Variants in KIAA0513 observed in about 807,000 individuals in gnomAD.
KIAA0513 encodes uncharacterized protein KIAA0513.
KIAA0513 carries 39 observed loss-of-function variants against 56.5 expected under a neutral mutation model. The ratio of observed to expected loss-of-function variants is 0.69; its 90% CI spans 0.53 to 0.90. KIAA0513 has a LOEUF of 0.90. Ranked by LOEUF, KIAA0513 falls within the 40% of genes least tolerant of loss-of-function variation. The pLI is 0.00. For synonymous variants in KIAA0513, 268 were observed against 215.6 expected (o/e 1.24, Z -2.13); for missense variants, 591 against 535.2 (o/e 1.10, Z -1.03).
chr16:85,080,603 G>A (rs1309766555), intron 8 of KIAA0513, among the ~76,000 whole-genome samples: 1 of 152,078 alleles, frequency 6.6e-6, no homozygotes, highest in Non-Finnish European at 1.5e-5. Flanking sequence ...AGACCAGCCT[G>A]GTCAACATGG....
intron 1 of KIAA0513, among the ~76,000 whole-genome samples, chr16:85,037,632 C>T (rs899329190): frequency 6.6e-6 from 1 of 152,174 alleles, no homozygotes; most frequent in Non-Finnish European, 1.5e-5. Flanking sequence ...GCACTCTATT[C>T]AGTGAGAGGC....
At chr16:85,054,888 C>T (rs1201449853) in intron 1 of KIAA0513, among the ~76,000 whole-genome samples, 3 of 152,068 alleles carry the variant, frequency 2.0e-5, no homozygotes, top group East Asian at 1.9e-4. Context: ...TGTGAGGGTT[C>T]ATTGAACGGC....
intron 10 of KIAA0513, among the ~76,000 whole-genome samples, chr16:85,083,666 C>T (rs2073774600): frequency 1.3e-5 from 2 of 152,172 alleles, no homozygotes; most frequent in African/African-American, 4.8e-5. Context: ...GCCTCTTGGG[C>T]CTTCTCACCG....
intron 2 of KIAA0513, among the ~76,000 whole-genome samples, chr16:85,071,175 C>G (rs1030238113): frequency 2.6e-5 from 4 of 152,136 alleles, no homozygotes; most frequent in African/African-American, 9.7e-5. Flanking sequence ...GGTGGCGACA[C>G]CAAGATGGAG....
At chr16:85,080,494 C>T (rs2073727774) in intron 8 of KIAA0513, among the ~76,000 whole-genome samples, 1 of 152,186 alleles carries the variant, frequency 6.6e-6, no homozygotes, top group South Asian at 2.1e-4. Flanking sequence ...CCCTGATGTT[C>T]TTTAAGAAGA....
intron 1 of KIAA0513, among the ~76,000 whole-genome samples, chr16:85,033,446 C>T (rs1278191156): frequency 6.6e-6 from 1 of 152,198 alleles, no homozygotes; most frequent in African/African-American, 2.4e-5. Flanking sequence ...AGCTCATCGG[C>T]GTCCAGCAGT....
At chr16:85,083,485 A>C (rs935258875) in intron 10 of KIAA0513, among the ~76,000 whole-genome samples, 3 of 152,200 alleles carry the variant, frequency 2.0e-5, no homozygotes, top group African/African-American at 7.2e-5. Context: ...CAAAGCCCCT[A>C]GGTTTTCACT....
At chr16:85,075,046 C>G (rs1276487000) in intron 4 of KIAA0513, among the ~76,000 whole-genome samples, 1 of 151,936 alleles carries the variant, frequency 6.6e-6, no homozygotes, top group Admixed American at 6.6e-5. Flanking sequence ...GTTGCAAAAA[C>G]AAAGTGAAAC....
intron 1 of KIAA0513, among the ~76,000 whole-genome samples, chr16:85,045,503 C>T (rs1206212398): frequency 6.6e-6 from 1 of 152,094 alleles, no homozygotes; most frequent in Non-Finnish European, 1.5e-5. Flanking sequence ...TTACAGGCAC[C>T]CACCATCATG....
At chr16:85,086,472 C>T (rs2073809709) in intron 10 of KIAA0513, among the ~76,000 whole-genome samples, 172 bp from the exon 11 acceptor site, 1 of 152,218 alleles carries the variant, frequency 6.6e-6, no homozygotes, top group Non-Finnish European at 1.5e-5. Context: ...AGGATCCCGG[C>T]AGGCCTTGTG....
In KIAA0513 at chr16:85,086,727, A is replaced by G. The variant is rs2144108958; in HGVS notation, c.1091+3A>G. 3.7e-6 allele frequency: 6 copies of G among 1,611,854 alleles called. No homozygotes were observed. In the East Asian group the frequency reaches 1.3e-4, roughly 36 times the overall value. ...AACATCACCTTCGGGCAGCTGGGGTAAGGGCCAGAGTGGGAAAGCGGGAGG... is the reference window on the plus strand; with the variant it reads ...AACATCACCTTCGGGCAGCTGGGGTGAGGGCCAGAGTGGGAAAGCGGGAGG... On this transcript the variant is annotated splice_donor_region_variant and intron_variant, in intron 11 of 12. Coordinates refer to ENST00000683363, the MANE Select transcript of KIAA0513 (RefSeq NM_001388359.1).
intron 1 of KIAA0513, among the ~76,000 whole-genome samples, chr16:85,038,159 C>T (rs1414558064): frequency 1.3e-5 from 2 of 152,210 alleles, no homozygotes; most frequent in Non-Finnish European, 2.9e-5. Flanking sequence ...CCCACTGGGC[C>T]ACACTATGTC....
chr16:85,056,824 C>T (rs148316785), intron 1 of KIAA0513, among the ~76,000 whole-genome samples: 1 of 152,314 alleles, frequency 6.6e-6, no homozygotes, highest in African/African-American at 2.4e-5. Context: ...CTCAGCCTCC[C>T]AGACAGCTGG....
chr16:85,067,016 G>C lies in KIAA0513; in HGVS notation c.-56G>C. 2 of 1,454,686 alleles carry C rather than the reference G, an allele frequency of 1.4e-6. No individual in the cohort carries two copies. The highest frequency in any genetic ancestry group is 1.4e-5 in the South Asian group (1 of 73,504). 90.1% of individuals were successfully genotyped at this position (1,454,686 alleles called of 1,614,324 possible). A position where few individuals can be genotyped will look rare whatever the true frequency, so the allele number is the denominator to read the frequency against. ...CGCACCTGGGACACCAGGCTGCTGG[G>C]CTCCCCTCTAGGCAGCCTCCCCTCC... On this transcript the variant is annotated 5_prime_UTR_variant, in exon 2 of 13. Transcript: ENST00000683363.
intron 1 of KIAA0513, among the ~76,000 whole-genome samples, chr16:85,031,818 C>T (rs564202472): frequency 1.3e-4 from 20 of 152,324 alleles, no homozygotes; most frequent in African/African-American, 4.8e-4. Flanking sequence ...CCTGCCCACT[C>T]ACTCTATCAT....
At chr16:85,082,263 G>A (rs549636616) in intron 9 of KIAA0513, among the ~76,000 whole-genome samples, 29 of 152,286 alleles carry the variant, frequency 1.9e-4, no homozygotes, top group African/African-American at 7.0e-4. Flanking sequence ...CATTTCCTGG[G>A]GAGGCAGAGG....
In KIAA0513 at chr16:85,035,281, C is replaced by A. The variant is rs934329237; in HGVS notation, c.-173+7423C>A. ...GTTCTGTGTTGTCCTGCTCGTTCTT[C>A]GGTTCCCCAGGCCTAGCCCAGTGCT... On this transcript the variant is annotated intron_variant, in intron 1 of 12. Coordinates refer to ENST00000683363, the MANE Select transcript of KIAA0513 (RefSeq NM_001388359.1). 1.4e-4 allele frequency among the ~76,000 whole-genome samples: 22 copies of A among 152,300 alleles called. No individual in the cohort carries two copies. The South Asian group carries it at 4.4e-3, about 30-fold the overall frequency.
At chr16:85,046,046 C>T (rs2073166551) in intron 1 of KIAA0513, among the ~76,000 whole-genome samples, 1 of 152,144 alleles carries the variant, frequency 6.6e-6, no homozygotes, top group African/African-American at 2.4e-5. Flanking sequence ...GGAAACGAGC[C>T]AGGATGTTGC....
At chr16:85,044,306 C>A (rs529246523) in intron 1 of KIAA0513, among the ~76,000 whole-genome samples, 7 of 152,060 alleles carry the variant, frequency 4.6e-5, no homozygotes, top group Non-Finnish European at 1.0e-4. Flanking sequence ...CCCAGGAAGG[C>A]ATGTCGAGTG....
Sources: allele counts gnomAD v4.1 joint callset (sites outside exome capture counted in the v4.1 genomes callset), GRCh38; gene constraint gnomAD v4.1.1; transcripts MANE v1.5; gene names NCBI Gene and HGNC (gene_info 2026-07-23, HGNC 2026-07-21).